Variants in GLMP observed in about 807,000 individuals in gnomAD.
GLMP encodes glycosylated lysosomal membrane protein.
Under a neutral mutation model 39.2 loss-of-function variants are expected in GLMP, and 36 were observed. The ratio of observed to expected loss-of-function variants is 0.92; its 90% CI spans 0.70 to 1.21. GLMP has a LOEUF of 1.21. Among genes scored for constraint, GLMP ranks in the 50% most tolerant of loss-of-function variants. GLMP has a pLI of 0.00. For missense variants in GLMP, 454 were observed against 505.6 expected (o/e 0.90, Z 0.98); for synonymous variants, 220 against 218.9 (o/e 1.01, Z -0.04).
rs998405256 is a variant in GLMP at position 156,294,361 on chromosome 1, T to C, written c.579+4A>G. ...TGAGCTCTTTCCGATTTCTCACGCC[T>C]TACCCTGAAGGCCAGGCTGCCATTG... is the stretch of plus-strand genomic sequence containing the variant. On this transcript the variant is annotated splice_donor_region_variant and intron_variant, in intron 3 of 5. Coordinates refer to ENST00000362007, the MANE Select transcript of GLMP (RefSeq NM_144580.3). The C allele has an allele frequency of 5.6e-6, 9 of 1,613,938 alleles. No homozygotes were observed. In the African/African-American group the frequency reaches 1.2e-4, roughly 22 times the overall value.
chr1:156,293,421 A>C lies in GLMP; in HGVS notation c.954T>G (p.Ile318Met). Residue 318 changes from isoleucine (I) to methionine (M), a missense_variant, in exon 5 of 6, where the codon ATT becomes ATG. Transcript: ENST00000362007. ...TCTGGGACCCAAAGAAGGCTCGGAC[A>C]ATGGGTGACTGGGGAAGAGAGTATG... ...ALAYSLPQSP[I>M]VRAFFGSQNN... 1 of 1,614,192 alleles carries C rather than the reference A, an allele frequency of 6.2e-7. No homozygotes were observed. The highest frequency in any genetic ancestry group is 8.5e-7 in the Non-Finnish European group (1 of 1,180,026).
At position 156,294,510 on chromosome 1, in the gene GLMP, C is replaced by A; in HGVS notation, c.434G>T (p.Arg145Ile). 1 of 1,614,094 alleles carries A rather than the reference C, an allele frequency of 6.2e-7. No individual in the cohort carries two copies. The highest frequency in any genetic ancestry group is 2.2e-5 in the East Asian group (1 of 44,876). Residue 145 changes from arginine to isoleucine, a missense_variant, in exon 3 of 6, where the codon AGA (arginine) becomes ATA (isoleucine). By Grantham distance (97) the Arg-to-Ile change is moderately conservative. Transcript: ENST00000362007. ...VSDTAAKPLG[R>I]PYPPYSLADF... ...GGCCAAGGAGTATGGAGGATATGGT[C>A]TTCCCAAAGGCTTTGCTGCCGTATC...
chr1:156,294,223 GA>G lies in GLMP; in HGVS notation c.592del (p.Ser198ProfsTer21). 1 of 1,613,862 alleles carries G rather than the reference GA, an allele frequency of 6.2e-7. No homozygotes were observed. The highest frequency in any genetic ancestry group is 8.5e-7 in the Non-Finnish European group (1 of 1,179,764). ...GGGTTGGGCTGGTCGGCTGGACCTG[GA>G]AAAGGCCTGGACCTAGGAAGGAAGA... ...GSLAFRVQAF[S>X]RSSRPAQPPR... On this transcript the variant is annotated frameshift_variant, in exon 4 of 6. Transcript: ENST00000362007. LOFTEE classifies it high-confidence loss of function.
Position 156,293,823 on chromosome 1 carries a change from G to A in GLMP, c.798+195C>T, listed in dbSNP as rs1663472072. 4.0e-6 allele frequency: 5 copies of A among 1,241,848 alleles called. No individual in the cohort carries two copies. In the South Asian group the frequency reaches 6.5e-5, roughly 16 times the overall value. 76.9% of individuals were successfully genotyped at this position (1,241,848 alleles called of 1,614,324 possible). The stretch of plus-strand genomic sequence containing the variant: ...CCCCCTTGCAGATCTCCATCTGCCA[G>A]AGTGTAAGTCATATTGCACTTTCTG... On this transcript the variant is annotated intron_variant, in intron 4 of 5. Transcript: ENST00000362007.
Position 156,292,870 on chromosome 1 carries a change from A to G in GLMP, c.*174T>C, listed in dbSNP as rs1663398498. ...CGCCTCCAAAGTCCCCCAACAAAGT[A>G]TGAAGGAAGCCCCACCTGGGGGTCT... On this transcript the variant is annotated 3_prime_UTR_variant, in exon 6 of 6. Coordinates refer to ENST00000362007, the MANE Select transcript of GLMP (RefSeq NM_144580.3). 1 of 791,422 alleles carries G rather than the reference A, an allele frequency of 1.3e-6. No homozygotes were observed. Among genetic ancestry groups the G allele is most frequent in the Non-Finnish European group, 2.0e-6 (1 of 506,918 alleles). 49.0% of individuals were successfully genotyped at this position (791,422 alleles called of 1,614,324 possible).
Position 156,294,763 on chromosome 1 carries a change from G to A in GLMP, c.374C>T (p.Thr125Ile), listed in dbSNP as rs1260221622. ...GTTCTCTCCCAACCTCCTCACCCTG[G>A]TAAAAACAAGGGCAGAAGAAAACTG... is the stretch of plus-strand genomic sequence containing the variant. ...SIQFSSALVF[T>I]RLLEFDSTNV... Residue 125 changes from threonine to isoleucine, a missense_variant, in exon 2 of 6, where the codon ACC becomes ATC. Coordinates refer to ENST00000362007, the MANE Select transcript of GLMP (RefSeq NM_144580.3). 6.5e-7 allele frequency: 1 copy of A among 1,548,784 alleles called. No individual in the cohort carries two copies. The highest frequency in any genetic ancestry group is 8.7e-7 in the Non-Finnish European group (1 of 1,146,248).
chr1:156,293,312 G>T lies in GLMP; in HGVS notation c.1055+8C>A. 1 of 1,614,054 alleles carries T rather than the reference G, an allele frequency of 6.2e-7. No individual in the cohort carries two copies. Among genetic ancestry groups the T allele is most frequent in the Non-Finnish European group, 8.5e-7 (1 of 1,179,972 alleles). ...CCCCAAGTCCCCGGCCCAAACCCTG[G>T]CTCTCACCAGCTGAGGTAGTGTTGG... On this transcript the variant is annotated splice_region_variant and intron_variant, in intron 5 of 5. Transcript: ENST00000362007.
chr1:156,295,317 G>A (rs1663563704), intron 1 of GLMP: 3 of 1,360,216 alleles, frequency 2.2e-6, no homozygotes, highest in African/African-American at 3.0e-5. Flanking sequence ...GTCACCCAGG[G>A]CTGAGTCGGG....
chr1:156,294,469 T>C lies in GLMP; in HGVS notation c.475A>G (p.Asn159Asp). 3 of 1,614,186 alleles carry C rather than the reference T, an allele frequency of 1.9e-6. No homozygotes were observed. Among genetic ancestry groups the C allele is most frequent in the Non-Finnish European group, 1.7e-6 (2 of 1,180,032 alleles). The part of the protein sequence containing the change: ...PYSLADFSWN[N>D]ITDSLDPATL... ...GCAGGATCCAATGAATCAGTGATGT[T>C]GTTCCAAGAGAAATCGGCCAAGGAG... Residue 159 changes from asparagine (N) to aspartate (D), a missense_variant, in exon 3 of 6, where the codon AAC (asparagine) becomes GAC (aspartate). Coordinates refer to ENST00000362007, the MANE Select transcript of GLMP (RefSeq NM_144580.3).
chr1:156,293,578 T>C lies in GLMP; in HGVS notation c.799-2A>G, dbSNP rs767919956. 3 of 1,613,868 alleles carry C rather than the reference T, an allele frequency of 1.9e-6. No individual in the cohort carries two copies. The East Asian group carries it at 6.7e-5, about 36-fold the overall frequency. On this transcript the variant is annotated splice_acceptor_variant, in intron 4 of 5. Transcript: ENST00000362007. LOFTEE classifies it high-confidence loss of function. The stretch of plus-strand genomic sequence containing the variant: ...GGAGCCCCACAGTAGCTGGTCCAAC[T>C]GGGAAGAAAGGCAAACAAGGGAGGG...
Position 156,295,518 on chromosome 1 carries a change from G to C in GLMP, c.120+8C>G, listed in dbSNP as rs768636680. 2 of 1,505,378 alleles carry C rather than the reference G, an allele frequency of 1.3e-6. No individual in the cohort carries two copies. The highest frequency in any genetic ancestry group is 1.8e-6 in the Non-Finnish European group (2 of 1,130,156). The allele number at this position is 1,505,378 out of a possible 1,614,324, so 93.3% of individuals were successfully genotyped here. ...AAACTTCTATCGCTGTAGCCCCAGG[G>C]CCCTCACCTGGCGGGTCTTCTCCCC... On this transcript the variant is annotated splice_region_variant and intron_variant, in intron 1 of 5. Transcript: ENST00000362007.
intron 4 of GLMP, 49 bp downstream of exon 4, chr1:156,293,958 GGTCCCAATGGT>G: frequency 6.4e-7 from 1 of 1,565,284 alleles, no homozygotes; most frequent in South Asian, 1.1e-5. Context: ...ATGAGTTTTA[GGTCCCAATGGT>G]GTCCCACCTA....
At position 156,294,414 on chromosome 1, in the gene GLMP, G is replaced by C. The variant is rs771660426; in HGVS notation, c.530C>G (p.Pro177Arg). ...ATLSATFQGHPMNDPTRTFAN... is the reference protein window; with the variant it reads ...ATLSATFQGHRMNDPTRTFAN... ...AAAAGTCCTGGTAGGGTCGTTCATG[G>C]GGTGGCCTTGAAATGTGGCACTCAG... Residue 177 changes from proline to arginine, a missense_variant, in exon 3 of 6, where the codon CCC (proline) becomes CGC (arginine). Pro to Arg is a moderately radical substitution (Grantham distance 103, BLOSUM62 -2). Coordinates refer to ENST00000362007, the MANE Select transcript of GLMP (RefSeq NM_144580.3). 6.8e-6 allele frequency: 11 copies of C among 1,614,074 alleles called. 1 individual carries two copies. The South Asian group carries it at 1.2e-4, about 18-fold the overall frequency.
rs754675639 is a variant in GLMP, at chr1:156,295,650, C to T, written c.-5G>A. On this transcript the variant is annotated 5_prime_UTR_variant, in exon 1 of 6. Transcript: ENST00000362007. ...GCACTCCACAGAGCCGCGCATACGG[C>T]CGCAATTCAGCCGACGGAAGAGGTG... 1 of 1,551,854 alleles carries T rather than the reference C, an allele frequency of 6.4e-7. No homozygotes were observed. The highest frequency in any genetic ancestry group is 8.7e-7 in the Non-Finnish European group (1 of 1,147,102).
chr1:156,295,130 G>C lies in GLMP; in HGVS notation c.121-114C>G, dbSNP rs905302512. The stretch of plus-strand genomic sequence containing the variant: ...AGTGCTGGACAAAGGATGGGATTTT[G>C]GGGACTAGACAAGAGGAATGTGTGC... On this transcript the variant is annotated intron_variant, in intron 1 of 5. Transcript: ENST00000362007. 7.7e-6 allele frequency: 8 copies of C among 1,044,630 alleles called. No individual in the cohort carries two copies. In the Admixed American group the frequency reaches 1.9e-4, roughly 24 times the overall value. The allele number at this position is 1,044,630 out of a possible 1,614,324, so 64.7% of individuals were successfully genotyped here. A position where few individuals can be genotyped will look rare whatever the true frequency, so the allele number is the denominator to read the frequency against.
chr1:156,292,714 T>C lies in GLMP; in HGVS notation c.*330A>G. 1 of 298,730 alleles carries C rather than the reference T, an allele frequency of 3.3e-6. No individual in the cohort carries two copies. The highest frequency in any genetic ancestry group is 2.2e-5 in the African/African-American group (1 of 46,184). The allele number at this position is 298,730 out of a possible 1,614,324, so 18.5% of individuals were successfully genotyped here. A position where few individuals can be genotyped will look rare whatever the true frequency, so the allele number is the denominator to read the frequency against. On this transcript the variant is annotated 3_prime_UTR_variant, in exon 6 of 6. Coordinates refer to ENST00000362007, the MANE Select transcript of GLMP (RefSeq NM_144580.3). ...CCTGTGAAAAAAAATAAATCTATTT[T>C]CTTGCCTTCCAGGGCAGCCAACCAG...
chr1:156,293,127 C>A lies in GLMP; in HGVS notation c.1138G>T (p.Ala380Ser), dbSNP rs1366273990. The A allele has an allele frequency of 1.2e-6, 2 of 1,613,930 alleles. No individual in the cohort carries two copies. The highest frequency in any genetic ancestry group is 1.7e-6 in the Non-Finnish European group (2 of 1,179,978). ...CCCCCTAGCAGCATGAGCCCTGGGG[C>A]ACCCAGGGCCACTGCCATGATGCCC... ...VLGIMAVALG[A>S]PGLMLLGGGL... The change falls in exon 6 of 6, where the codon GCC becomes TCC. Residue 380 changes from alanine to serine, a missense_variant. Ala to Ser is a moderately conservative substitution (Grantham distance 99). Transcript: ENST00000362007.
chr1:156,295,338 C>G, intron 1 of GLMP, 188 bp downstream of exon 1: 1 of 1,372,814 alleles, frequency 7.3e-7, no homozygotes. Context: ...GTCCAGACAT[C>G]ACCCTCACAT....
chr1:156,295,018 T>C lies in GLMP; in HGVS notation c.121-2A>G. 2 of 1,546,358 alleles carry C rather than the reference T, an allele frequency of 1.3e-6. No individual in the cohort carries two copies. Among genetic ancestry groups the C allele is most frequent in the Non-Finnish European group, 1.8e-6 (2 of 1,139,694 alleles). On this transcript the variant is annotated splice_acceptor_variant, in intron 1 of 5. Transcript: ENST00000362007. LOFTEE classifies it high-confidence loss of function. The stretch of plus-strand genomic sequence containing the variant: ...GTTAGGGATGACCTCCAGAGACACC[T>C]GGAACATGGAGTAGTGGAGGGTTGA...
Sources: gnomAD v4.1 joint callset for allele counts on GRCh38, gnomAD v4.1.1 for gene constraint, MANE v1.5 for transcripts, NCBI Gene and HGNC (gene_info 2026-07-23, HGNC 2026-07-21) for gene names.